The following AADAT variants were observed in gnomAD, a reference collection of about 807,000 sequenced individuals.
AADAT encodes kynurenine/alpha-aminoadipate aminotransferase, mitochondrial.
In AADAT, 25 loss-of-function variants were observed where a neutral mutation model predicts 56.2. The ratio of observed to expected loss-of-function variants is 0.44; its 90% CI spans 0.32 to 0.62. The LOEUF (loss-of-function observed/expected upper bound fraction) is 0.62, where lower values mean the gene tolerates loss of function less well. Ranked by LOEUF, AADAT falls within the 20% of genes least tolerant of loss-of-function variation. AADAT has a pLI of 0.04. For missense variants in AADAT, 387 were observed against 510.5 expected, an observed-to-expected ratio of 0.76 and a Z score of 2.33; for synonymous variants, 173 against 164.7, an observed-to-expected ratio of 1.05 and a Z score of -0.39.
rs745645360 is a variant in AADAT, at chr4:170,064,840, A to G, written c.1028-15T>C. On this transcript the variant is annotated splice_polypyrimidine_tract_variant and intron_variant, in intron 10 of 12. Transcript: ENST00000337664. ...TTCTGCCAAACCTACAAACAAAAGA[A>G]GAGAATAAATGTCTTCCAAAGGAAG... The G allele has an allele frequency of 1.7e-5, 28 of 1,603,950 alleles. No homozygotes were observed. Among genetic ancestry groups the G allele is most frequent in the African/African-American group, 2.7e-5 (2 of 74,506 alleles).
upstream of AADAT, among the ~76,000 whole-genome samples, chr4:170,091,121 ACT>A (rs1237617170): frequency 6.6e-6 from 1 of 152,070 alleles, no homozygotes; most frequent in Non-Finnish European, 1.5e-5. Flanking sequence ...CTCAGCGCTC[ACT>A]CTGACCGCGC....
Position 170,060,840 on chromosome 4 carries a change from C to A in AADAT, c.*88G>T. ...TCGTAGCTTACTGCAGCCTTGAATT[C>A]CTGGGTTCAAGTGATCCTCCCTCCT... On this transcript the variant is annotated 3_prime_UTR_variant, in exon 13 of 13. Transcript: ENST00000337664. The A allele has an allele frequency of 2.6e-6, 3 of 1,153,980 alleles. No individual in the cohort carries two copies. In the South Asian group the frequency reaches 4.6e-5, roughly 18 times the overall value. 71.5% of individuals were successfully genotyped at this position (1,153,980 alleles called of 1,614,324 possible).
At position 170,088,388 on chromosome 4, in the gene AADAT, A is replaced by G. The variant is rs750129115; in HGVS notation, c.236+8T>C. ...GCCAATAAAATTATGTTAAGTATTG[A>G]TACTTACCCAGCACTCGGAGAATAC... is the stretch of plus-strand genomic sequence containing the variant. On this transcript the variant is annotated splice_region_variant and intron_variant, in intron 2 of 12. Coordinates refer to ENST00000337664, the MANE Select transcript of AADAT (RefSeq NM_016228.4). The G allele has an allele frequency of 2.5e-6, 4 of 1,583,028 alleles. No homozygotes were observed. The African/African-American group carries it at 5.4e-5, about 21-fold the overall frequency.
chr4:170,086,387 T>C (rs1037471570), intron 3 of AADAT, among the ~76,000 whole-genome samples: 3 of 150,748 alleles, frequency 2.0e-5, no homozygotes, highest in South Asian at 2.1e-4. Flanking sequence ...GAATAACTAA[T>C]GCCAGGGGGA....
At chr4:170,077,431 G>T (rs1280477665) in intron 4 of AADAT, among the ~76,000 whole-genome samples, 3 of 151,558 alleles carry the variant, frequency 2.0e-5, no homozygotes. Context: ...TTATTCCTAC[G>T]TATTTTATTC....
At chr4:170,089,414 A>G in intron 1 of AADAT, 1 of 616,958 alleles carries the variant, frequency 1.6e-6, no homozygotes, top group Non-Finnish European at 2.9e-6. Flanking sequence ...ACTCTGCTCC[A>G]GCAGAAATAC....
chr4:170,067,625 C>A (rs1561012789), intron 8 of AADAT, among the ~76,000 whole-genome samples: 1 of 152,090 alleles, frequency 6.6e-6, no homozygotes, highest in Non-Finnish European at 1.5e-5. Context: ...TTGTAAGATA[C>A]TAATATATTT....
chr4:170,076,832 T>C lies in AADAT; in HGVS notation c.444+1677A>G, dbSNP rs565341911. Among the ~76,000 whole-genome samples, 60 of 152,322 alleles carry C rather than the reference T, an allele frequency of 3.9e-4. 2 individuals carry two copies. In the South Asian group the frequency reaches 0.012, roughly 31 times the overall value. ...AATTTGCCCTTATGTCCTAAGTGTT[T>C]GTAGTTTTAGCCCTTATATTTAGGT... is the stretch of plus-strand genomic sequence containing the variant. On this transcript the variant is annotated intron_variant, in intron 4 of 12. Transcript: ENST00000337664.
Position 170,089,556 on chromosome 4 carries a change from G to A in AADAT, c.67+68C>T, listed in dbSNP as rs1042848173. 16 of 1,586,160 alleles carry A rather than the reference G, an allele frequency of 1.0e-5. No individual in the cohort carries two copies. In the South Asian group the frequency reaches 1.2e-4, roughly 12 times the overall value. ...TGCAACCAAGCGGTGGCTTGCTAGG[G>A]AACCCTCCTTAGAGGCTGTGCGAGG... On this transcript the variant is annotated intron_variant, in intron 1 of 12. Transcript: ENST00000337664.
intron 4 of AADAT, among the ~76,000 whole-genome samples, chr4:170,073,723 T>A (rs149302103): frequency 0.013 from 2,039 of 152,100 alleles, 42 homozygotes; most frequent in African/African-American, 0.047. Flanking sequence ...ATGGTCTGGA[T>A]CTCCTGACCT....
intron 5 of AADAT, among the ~76,000 whole-genome samples, chr4:170,072,551 A>C (rs1190609303): frequency 1.3e-5 from 2 of 152,202 alleles, no homozygotes; most frequent in African/African-American, 4.8e-5. Flanking sequence ...TTTGGTATTT[A>C]TTTTAAAAAG....
intron 4 of AADAT, among the ~76,000 whole-genome samples, chr4:170,076,626 A>G (rs1161737901): frequency 6.6e-6 from 1 of 152,124 alleles, no homozygotes; most frequent in African/African-American, 2.4e-5. Flanking sequence ...TTAAAGGTTT[A>G]TCAGATATAT....
At position 170,073,230 on chromosome 4, in the gene AADAT, T is replaced by C. The variant is rs1239347023; in HGVS notation, c.560A>G (p.Gln187Arg). ...RWKPEDAKNP[Q>R]KNTPKFLYTV... Reference sequence around the variant, plus strand: ...ATAAAGAAATTTGGGGGTGTTTTTCTGGGGATTCTTTGCATCTTCTGGTTT... The same window carrying C: ...ATAAAGAAATTTGGGGGTGTTTTTCCGGGGATTCTTTGCATCTTCTGGTTT... The change falls in exon 5 of 13, where the codon CAG (glutamine) becomes CGG (arginine). Residue 187 changes from glutamine to arginine, a missense_variant. Physicochemically the swap from Gln to Arg is conservative, Grantham distance 43. Transcript: ENST00000337664. 7.4e-6 allele frequency: 12 copies of C among 1,614,030 alleles called. No individual in the cohort carries two copies. Among genetic ancestry groups the C allele is most frequent in the Non-Finnish European group, 9.3e-6 (11 of 1,180,026 alleles).
At chr4:170,081,817 G>A (rs1342706235) in intron 3 of AADAT, among the ~76,000 whole-genome samples, 11 of 152,148 alleles carry the variant, frequency 7.2e-5, no homozygotes, top group Admixed American at 7.2e-4. Flanking sequence ...TGGGATTACA[G>A]GCGTGAGCTA....
rs1359254967 is a variant in AADAT, at chr4:170,089,787, T to C, written c.-97A>G. ...AGTCCTGCCTGCTAACTCCTCACTC[T>C]GGCAACGCCACCGCGAGATGTGTCC... On this transcript the variant is annotated 5_prime_UTR_variant, in exon 1 of 13. Coordinates refer to ENST00000337664, the MANE Select transcript of AADAT (RefSeq NM_016228.4). The C allele has an allele frequency of 5.6e-6, 7 of 1,257,920 alleles. No homozygotes were observed. The highest frequency in any genetic ancestry group is 7.9e-6 in the Non-Finnish European group (7 of 883,772). 77.9% of individuals were successfully genotyped at this position (1,257,920 alleles called of 1,614,324 possible). A position where few individuals can be genotyped will look rare whatever the true frequency, so the allele number is the denominator to read the frequency against.
chr4:170,077,150 T>C (rs1203988545), intron 4 of AADAT, among the ~76,000 whole-genome samples: 1 of 152,222 alleles, frequency 6.6e-6, no homozygotes, highest in Non-Finnish European at 1.5e-5. Context: ...AAATTTGTTC[T>C]TTTTCAAGAT....
intron 5 of AADAT, among the ~76,000 whole-genome samples, chr4:170,071,501 T>C (rs886846214): frequency 6.6e-6 from 1 of 152,114 alleles, no homozygotes; most frequent in Non-Finnish European, 1.5e-5. Context: ...AGAGAAGGCT[T>C]GAGAACAGAC....
intron 2 of AADAT, 93 bp downstream of exon 2, chr4:170,088,303 T>G: frequency 7.7e-7 from 1 of 1,300,150 alleles, no homozygotes; most frequent in Non-Finnish European, 1.0e-6. Context: ...TGAATGGACC[T>G]TAGAATATTT....
At chr4:170,071,205 G>A (rs557798690) in intron 5 of AADAT, among the ~76,000 whole-genome samples, 2 of 152,302 alleles carry the variant, frequency 1.3e-5, no homozygotes, top group South Asian at 2.1e-4. Context: ...GAGCCACTGC[G>A]CCCAGCTAGA....
Sources: gnomAD v4.1 joint callset for allele counts (sites outside exome capture counted in the v4.1 genomes callset) on GRCh38, gnomAD v4.1.1 for gene constraint, MANE v1.5 for transcripts, NCBI Gene and HGNC (gene_info 2026-07-23, HGNC 2026-07-21) for gene names.